The following NLRP1 variants were observed in gnomAD, a reference collection of about 807,000 sequenced individuals.
NLRP1 encodes NLR family pyrin domain containing 1.
A neutral mutation model predicts 136.7 loss-of-function variants in NLRP1; 94 were observed. The ratio of observed to expected loss-of-function variants is 0.69; its 90% CI spans 0.58 to 0.82. The LOEUF is 0.82. NLRP1 is among the 40% of genes least tolerant of loss of function. The pLI, the probability that NLRP1 is intolerant of heterozygous loss-of-function variation, is 0.00. For missense variants in NLRP1, 1,575 were observed against 1,802.7 expected, an observed-to-expected ratio of 0.87 and a Z score of 2.29; for synonymous variants, 690 against 725.1, an observed-to-expected ratio of 0.95 and a Z score of 0.78.
intron 5 of NLRP1, among the ~76,000 whole-genome samples, chr17:5,553,142 CTGCTT>C (rs1450219578): frequency 1.3e-5 from 2 of 152,204 alleles, no homozygotes. Context: ...TTTTTCCTTC[CTGCTT>C]TGCTTAGTTA....
At chr17:5,553,204 G>A (rs1319607210) in intron 5 of NLRP1, among the ~76,000 whole-genome samples, 182 bp downstream of exon 5, 1 of 146,014 alleles carries the variant, frequency 6.8e-6, no homozygotes, top group Non-Finnish European at 1.5e-5. Flanking sequence ...CTTCATGAAG[G>A]AATTTTTTTT....
downstream of NLRP1, among the ~76,000 whole-genome samples, chr17:5,513,155 ATC>A (rs892105974): frequency 6.6e-6 from 1 of 152,210 alleles, no homozygotes; most frequent in African/African-American, 2.4e-5. Flanking sequence ...TCTCATAAAA[ATC>A]TCTCTTATTA....
At position 5,521,936 on chromosome 17, in the gene NLRP1, T is replaced by C. The variant is rs1444613314; in HGVS notation, c.3521-150A>G. On this transcript the variant is annotated intron_variant, in intron 12 of 16. Coordinates refer to ENST00000572272, the MANE Select transcript of NLRP1 (RefSeq NM_033004.4). ...GCCTCCTGGGTTCAAGCGATTCTCC[T>C]GCCTCAGCCTCCCGAGTAGCTGGGA... 2.9e-5 allele frequency: 21 copies of C among 733,684 alleles called. No homozygotes were observed. In the Admixed American group the frequency reaches 6.1e-4, roughly 21 times the overall value. 45.4% of individuals were successfully genotyped at this position (733,684 alleles called of 1,614,324 possible). A position where few individuals can be genotyped will look rare whatever the true frequency, so the allele number is the denominator to read the frequency against.
At chr17:5,549,628 C>A (rs1284819360) in intron 5 of NLRP1, among the ~76,000 whole-genome samples, 1 of 152,212 alleles carries the variant, frequency 6.6e-6, no homozygotes, top group African/African-American at 2.4e-5. Flanking sequence ...CATACAATGT[C>A]ATGTCACCTG....
intron 3 of NLRP1, among the ~76,000 whole-genome samples, chr17:5,563,108 C>CA (rs1006737797): frequency 1.1e-4 from 17 of 151,738 alleles, no homozygotes; most frequent in South Asian, 4.2e-4. Context: ...AAAAACAAAA[C>CA]AAAAAAAACC....
chr17:5,515,607 G>T, intron 15 of NLRP1, 90 bp from the exon 16 acceptor site: 2 of 1,033,248 alleles, frequency 1.9e-6, no homozygotes, highest in East Asian at 2.4e-5. Flanking sequence ...TCACTTCTGA[G>T]ATTCTTTGAT....
Position 5,517,353 on chromosome 17 carries a change from C to T in NLRP1, c.4057+393G>A, listed in dbSNP as rs61420769. Among the ~76,000 whole-genome samples the T allele has an allele frequency of 3.7e-4, 29 of 79,142 alleles. 6 individuals carry two copies. The highest frequency in any genetic ancestry group is 1.1e-3 in the African/African-American group (23 of 21,086). 51.9% of individuals were successfully genotyped at this position (79,142 alleles called of 152,430 possible). A position where few individuals can be genotyped will look rare whatever the true frequency, so the allele number is the denominator to read the frequency against. Reference sequence around the variant, plus strand: ...AAACTGTGATAGTGCACTCTGCACCCCCCCCCCTCCCACATACACAGACTT... The same window carrying T: ...AAACTGTGATAGTGCACTCTGCACCTCCCCCCCTCCCACATACACAGACTT... On this transcript the variant is annotated intron_variant, in intron 15 of 16. Coordinates refer to ENST00000572272, the MANE Select transcript of NLRP1 (RefSeq NM_033004.4).
At chr17:5,576,272 G>A (rs1489016580) in intron 3 of NLRP1, among the ~76,000 whole-genome samples, 1 of 152,138 alleles carries the variant, frequency 6.6e-6, no homozygotes, top group African/African-American at 2.4e-5. Flanking sequence ...AAATAACTAA[G>A]ATCAGAGCAG....
At chr17:5,536,209 C>T (rs954217304) in intron 8 of NLRP1, among the ~76,000 whole-genome samples, 40 of 151,792 alleles carry the variant, frequency 2.6e-4, no homozygotes, top group African/African-American at 8.5e-4. Context: ...AGTGCAATGG[C>T]GTGATCCTGG....
intron 3 of NLRP1, among the ~76,000 whole-genome samples, chr17:5,567,130 G>A (rs1264494462): frequency 1.3e-5 from 2 of 152,000 alleles, no homozygotes; most frequent in Non-Finnish European, 2.9e-5. Context: ...GCCAGTCTAT[G>A]TCTTTTGATT....
At chr17:5,573,275 G>T (rs1211086185) in intron 3 of NLRP1, among the ~76,000 whole-genome samples, 1 of 152,190 alleles carries the variant, frequency 6.6e-6, no homozygotes, top group East Asian at 1.9e-4. Context: ...GGGGAGGGGT[G>T]CCCACCATTG....
At chr17:5,512,374 C>T (rs1337879822), downstream of NLRP1, 6 of 1,190,028 alleles carry the variant, frequency 5.0e-6, no homozygotes, top group Non-Finnish European at 7.6e-6. Context: ...ATCTGTGGAC[C>T]CACACTTGTA....
chr17:5,558,216 G>T, intron 4 of NLRP1, 123 bp downstream of exon 4: 2 of 980,898 alleles, frequency 2.0e-6, no homozygotes, highest in Non-Finnish European at 3.0e-6. Context: ...AGTCACTGGA[G>T]ACCCTGATCC....
intron 12 of NLRP1, among the ~76,000 whole-genome samples, chr17:5,525,986 T>A (rs1190389342): frequency 6.6e-6 from 1 of 151,522 alleles, no homozygotes; most frequent in Non-Finnish European, 1.5e-5. Context: ...TAAATTTTTT[T>A]TTTTTTTGAG....
In NLRP1 at chr17:5,514,493, A is replaced by C; in HGVS notation, c.*261T>G. ...TAGGCTTGGCTGCTGTGGCCACCAG[A>C]TGAGGCTCTATGAGGTCTGCAGGGG... On this transcript the variant is annotated 3_prime_UTR_variant, in exon 17 of 17. Coordinates refer to ENST00000572272, the MANE Select transcript of NLRP1 (RefSeq NM_033004.4). 7 of 1,339,112 alleles carry C rather than the reference A, an allele frequency of 5.2e-6. No homozygotes were observed. Among genetic ancestry groups the C allele is most frequent in the Non-Finnish European group, 6.7e-6 (7 of 1,040,052 alleles). 83.0% of individuals were successfully genotyped at this position (1,339,112 alleles called of 1,614,324 possible).
chr17:5,515,661 G>GA, intron 15 of NLRP1, 144 bp from the exon 16 acceptor site: 1 of 698,280 alleles, frequency 1.4e-6, no homozygotes. Flanking sequence ...TCTGGAGTAA[G>GA]AGCTGGAAGG....
intron 6 of NLRP1, 84 bp from the exon 7 acceptor site, chr17:5,539,669 G>T (rs1911602049): frequency 1.4e-6 from 2 of 1,426,680 alleles, no homozygotes; most frequent in African/African-American, 1.5e-5. Flanking sequence ...TTCCTTCTCA[G>T]CATCTGTGGC....
chr17:5,583,116 G>A lies in NLRP1; in HGVS notation c.272-270C>T, dbSNP rs1462960010. 2.6e-5 allele frequency among the ~76,000 whole-genome samples: 4 copies of A among 152,124 alleles called. No individual in the cohort carries two copies. Among genetic ancestry groups the A allele is most frequent in the Non-Finnish European group, 1.5e-5 (1 of 68,030 alleles). ...CTGTGTAAATCACTACTCCTACTGA[G>A]CCTCAGCTGTGCTTTATTGGGCCAA... On this transcript the variant is annotated intron_variant, in intron 1 of 16. Transcript: ENST00000572272. The surrounding 1 kb of genome is among the most constrained non-coding windows in gnomAD (Gnocchi z 4.5).
chr17:5,565,927 G>C (rs572820450), intron 3 of NLRP1, among the ~76,000 whole-genome samples: 11 of 152,188 alleles, frequency 7.2e-5, no homozygotes, highest in South Asian at 2.1e-4. Flanking sequence ...TGTATCTAGA[G>C]ATTTGTCCAT....
Sources: allele counts gnomAD v4.1 joint callset (sites outside exome capture counted in the v4.1 genomes callset), GRCh38; gene constraint gnomAD v4.1.1; non-coding constraint Gnocchi (gnomAD v3.1); transcripts MANE v1.5; gene names NCBI Gene and HGNC (gene_info 2026-07-23, HGNC 2026-07-21).